Variants in ZMYM4 observed in about 807,000 individuals in gnomAD.
ZMYM4 encodes the protein zinc finger MYM-type protein 4.
A neutral mutation model predicts 183.2 loss-of-function variants in ZMYM4; 31 were observed. That is an observed-to-expected ratio of 0.17 (90% CI 0.13 to 0.23). The LOEUF (loss-of-function observed/expected upper bound fraction) is 0.23, where lower values mean the gene tolerates loss of function less well. Among genes scored for constraint, ZMYM4 ranks in the 10% least tolerant of loss-of-function variants. The pLI, the probability that ZMYM4 is intolerant of heterozygous loss-of-function variation, is 1.00. For synonymous variants in ZMYM4, 592 were observed against 631.2 expected, an observed-to-expected ratio of 0.94 and a Z score of 0.93; for missense variants, 1,273 against 1,840.3, an observed-to-expected ratio of 0.69 and a Z score of 5.64.
rs1644723963 is a variant in ZMYM4 at position 35,392,301 on chromosome 1, G to A, written c.2677G>A (p.Ala893Thr). ...TPVIANVVSL[A>T]SAPAAQPTVN... ...AGTTATAGCCAATGTAGTATCATTG[G>A]CAAGTGCCCCTGCTGCTCAGCCTAC... The change falls in exon 16 of 30, where the codon GCA becomes ACA. Residue 893 changes from alanine (A) to threonine (T), a missense_variant. Physicochemically the swap from Ala to Thr is moderately conservative, Grantham distance 58. Around this residue, in one of 6 missense-constraint regions of ZMYM4, gnomAD observed 290 missense variants for 353.3 expected, o/e 0.82. Coordinates refer to ENST00000314607, the MANE Select transcript of ZMYM4 (RefSeq NM_005095.3). 4.3e-6 allele frequency: 7 copies of A among 1,614,128 alleles called. No individual in the cohort carries two copies. Among genetic ancestry groups the A allele is most frequent in the Non-Finnish European group, 5.9e-6 (7 of 1,180,024 alleles).
chr1:35,420,569 T>A lies in ZMYM4; in HGVS notation c.*892T>A, dbSNP rs545267989. The A allele has an allele frequency of 6.6e-6, 1 of 152,620 alleles. No individual in the cohort carries two copies. Among genetic ancestry groups the A allele is most frequent in the Non-Finnish European group, 1.5e-5 (1 of 68,050 alleles). The allele number at this position is 152,620 out of a possible 1,614,324, so 9.5% of individuals were successfully genotyped here. On this transcript the variant is annotated 3_prime_UTR_variant, in exon 30 of 30. Transcript: ENST00000314607. ...GTTCTCCTTTTATTTTCATTTTTTT[T>A]CCCCAATGGCAGCTTTTCTCCCGTT...
chr1:35,335,228 T>C (rs1407590417), intron 2 of ZMYM4, among the ~76,000 whole-genome samples: 1 of 151,886 alleles, frequency 6.6e-6, no homozygotes, highest in Non-Finnish European at 1.5e-5. Flanking sequence ...CTTGCTTTTA[T>C]TCCCTATTGC....
chr1:35,385,086 C>T (rs1360338677), intron 9 of ZMYM4, among the ~76,000 whole-genome samples: 2 of 152,068 alleles, frequency 1.3e-5, no homozygotes, highest in Non-Finnish European at 2.9e-5. Flanking sequence ...CTCAGGTGAT[C>T]CACCCACCTC....
At chr1:35,330,303 A>G (rs778328951) in intron 2 of ZMYM4, among the ~76,000 whole-genome samples, 4 of 152,190 alleles carry the variant, frequency 2.6e-5, no homozygotes, top group Admixed American at 6.6e-5. Context: ...TATTTCTCAT[A>G]TAAAAGAAGC....
At chr1:35,314,220 T>G (rs1189645240) in intron 1 of ZMYM4, among the ~76,000 whole-genome samples, 6 of 152,168 alleles carry the variant, frequency 3.9e-5, no homozygotes, top group African/African-American at 1.4e-4. Flanking sequence ...TATACATTAT[T>G]TTGGACTAGT....
At chr1:35,318,603 A>G (rs1642156345) in intron 1 of ZMYM4, among the ~76,000 whole-genome samples, 3 of 151,894 alleles carry the variant, frequency 2.0e-5, no homozygotes, top group Non-Finnish European at 4.4e-5. Context: ...GATTACAGGC[A>G]TGTGCCACCA....
Position 35,275,779 on chromosome 1 carries a change from T to A in ZMYM4, c.39+6694T>A, listed in dbSNP as rs192498229. ...AACAAAATTGCTAATACTTGACCAT[T>A]TGACTTAAAAAAAAATGACACTTTT... is the stretch of plus-strand genomic sequence containing the variant. On this transcript the variant is annotated intron_variant, in intron 1 of 29. Coordinates refer to ENST00000314607, the MANE Select transcript of ZMYM4 (RefSeq NM_005095.3). Among the ~76,000 whole-genome samples the A allele has an allele frequency of 1.2e-3, 180 of 152,300 alleles. 1 individual carries two copies. The highest frequency in any genetic ancestry group is 3.8e-3 in the African/African-American group (160 of 41,572).
intron 3 of ZMYM4, among the ~76,000 whole-genome samples, chr1:35,360,108 A>G (rs1020676951): frequency 6.6e-6 from 1 of 151,982 alleles, no homozygotes; most frequent in Non-Finnish European, 1.5e-5. Flanking sequence ...TTGTGAAAGT[A>G]CTTCTTATCC....
chr1:35,293,932 G>A (rs480577), intron 1 of ZMYM4, among the ~76,000 whole-genome samples: 5,848 of 152,070 alleles, frequency 0.038, 156 homozygotes, highest in Middle Eastern at 0.048. Context: ...TCAGGAGATC[G>A]AGACCATCCT....
intron 20 of ZMYM4, among the ~76,000 whole-genome samples, chr1:35,398,031 T>A (rs1316053770): frequency 2.0e-5 from 3 of 152,232 alleles, no homozygotes; most frequent in African/African-American, 7.2e-5. Flanking sequence ...CAGTGCATTG[T>A]GTGCCTTGCC....
chr1:35,301,630 G>A (rs1641283060), intron 1 of ZMYM4, among the ~76,000 whole-genome samples: 1 of 151,482 alleles, frequency 6.6e-6, no homozygotes, highest in South Asian at 2.1e-4. Context: ...TCTAGGAATT[G>A]TTCTGCCCGC....
chr1:35,365,239 C>CTTTTTTT (rs746304675), intron 5 of ZMYM4, among the ~76,000 whole-genome samples: 4 of 85,312 alleles, frequency 4.7e-5, no homozygotes, highest in Admixed American at 1.2e-4. Flanking sequence ...TAATCAAAGT[C>CTTTTTTT]TTTTTTTTTT....
intron 2 of ZMYM4, among the ~76,000 whole-genome samples, chr1:35,342,300 A>G (rs1051149616): frequency 1.3e-5 from 2 of 152,050 alleles, no homozygotes; most frequent in Non-Finnish European, 2.9e-5. Context: ...GACCACAGGC[A>G]TGTGCCACCA....
At chr1:35,355,181 C>CCG (rs1367720388) in intron 2 of ZMYM4, among the ~76,000 whole-genome samples, 2 of 150,140 alleles carry the variant, frequency 1.3e-5, no homozygotes, top group African/African-American at 4.9e-5. Context: ...CTACAGGTGC[C>CCG]CGTCACCACG....
chr1:35,335,252 T>TC (rs953658368), intron 2 of ZMYM4, among the ~76,000 whole-genome samples: 13 of 151,696 alleles, frequency 8.6e-5, no homozygotes, highest in Middle Eastern at 3.4e-3. Context: ...TTTTTTTTTT[T>TC]CCCAGACAGA....
At chr1:35,374,902 A>G (rs922804890) in intron 7 of ZMYM4, among the ~76,000 whole-genome samples, 12 of 152,064 alleles carry the variant, frequency 7.9e-5, no homozygotes, top group African/African-American at 2.7e-4. Flanking sequence ...ATTTCTACCT[A>G]TGTGTCATTT....
intron 2 of ZMYM4, among the ~76,000 whole-genome samples, chr1:35,355,349 C>T (rs1053258130): frequency 1.6e-4 from 25 of 151,826 alleles, no homozygotes; most frequent in African/African-American, 6.0e-4. Context: ...ACCCAGCCAT[C>T]TGCAAGACTT....
chr1:35,401,239 T>C (rs1465160923), intron 23 of ZMYM4, among the ~76,000 whole-genome samples: 1 of 152,232 alleles, frequency 6.6e-6, no homozygotes, highest in Non-Finnish European at 1.5e-5. Context: ...CATTTTGCAG[T>C]CCCACCAGCA....
rs546091545 is a variant in ZMYM4 at position 35,281,482 on chromosome 1, T to C, written c.39+12397T>C. 7.2e-5 allele frequency among the ~76,000 whole-genome samples: 11 copies of C among 152,070 alleles called. 1 individual carries two copies. In the South Asian group the frequency reaches 2.1e-3, roughly 29 times the overall value. On this transcript the variant is annotated intron_variant, in intron 1 of 29. Transcript: ENST00000314607. ...GATGGAAGGGAGGGACAGGAAGATATTGGTCCAAGAGTAGAAAGTTGTAGT... is the reference window on the plus strand; with the variant it reads ...GATGGAAGGGAGGGACAGGAAGATACTGGTCCAAGAGTAGAAAGTTGTAGT...
Sources: allele counts gnomAD v4.1 joint callset (sites outside exome capture counted in the v4.1 genomes callset), GRCh38; gene constraint gnomAD v4.1.1; regional missense constraint gnomAD v4.1.1; transcripts MANE v1.5; gene names NCBI Gene and HGNC (gene_info 2026-07-23, HGNC 2026-07-21).